Variants in PTPN4 observed in about 807,000 individuals in gnomAD.
PTPN4 encodes the protein tyrosine-protein phosphatase non-receptor type 4.
Under a neutral mutation model 135.5 loss-of-function variants are expected in PTPN4, and 49 were observed. That is an observed-to-expected ratio of 0.36 (90% confidence interval 0.29 to 0.46). The LOEUF (loss-of-function observed/expected upper bound fraction) is 0.46, where lower values mean the gene tolerates loss of function less well. Ranked by LOEUF, PTPN4 falls within the 20% of genes least tolerant of loss-of-function variation. PTPN4 has a pLI of 1.00. For missense variants in PTPN4, 860 were observed against 1,101.0 expected, an observed-to-expected ratio of 0.78 and a Z score of 3.10; for synonymous variants, 333 against 369.9, an observed-to-expected ratio of 0.90 and a Z score of 1.14.
In PTPN4 at chr2:119,937,078, G is replaced by T. The variant is rs149883542; in HGVS notation, c.1355+2120G>T. 3.9e-5 allele frequency among the ~76,000 whole-genome samples: 6 copies of T among 152,298 alleles called. No homozygotes were observed. In the East Asian group the frequency reaches 1.2e-3, roughly 29 times the overall value. On this transcript the variant is annotated intron_variant, in intron 15 of 26. Coordinates refer to ENST00000263708, the MANE Select transcript of PTPN4 (RefSeq NM_002830.4). ...TAATATCCATTTTATAGATAAGAAAGCCACACTTAGAACACTTGTCCCAAT... is the reference window on the plus strand; with the variant it reads ...TAATATCCATTTTATAGATAAGAAATCCACACTTAGAACACTTGTCCCAAT...
At position 119,919,673 on chromosome 2, in the gene PTPN4, A is replaced by G. The variant is rs117205913; in HGVS notation, c.829-396A>G. 8.5e-5 allele frequency among the ~76,000 whole-genome samples: 13 copies of G among 152,150 alleles called. No homozygotes were observed. The East Asian group carries it at 1.9e-3, about 23-fold the overall frequency. ...CCCCGTCTCTACTAAACATAGAAAA[A>G]GTTAGCTGGGTGTGGTGGTGCATGC... On this transcript the variant is annotated intron_variant, in intron 11 of 26. Transcript: ENST00000263708.
chr2:119,768,533 C>A (rs1000874320), intron 1 of PTPN4, among the ~76,000 whole-genome samples: 5 of 152,206 alleles, frequency 3.3e-5, no homozygotes, highest in African/African-American at 9.7e-5. Context: ...CACACTGATA[C>A]AACCAATTCC....
chr2:119,982,567 T>C lies in PTPN4; in HGVS notation c.*5497T>C, dbSNP rs879374834. On this transcript the variant is annotated 3_prime_UTR_variant, in exon 27 of 27. Coordinates refer to ENST00000263708, the MANE Select transcript of PTPN4 (RefSeq NM_002830.4). Reference sequence around the variant, plus strand: ...TGCTTTGCCTCTAGAATAGAAACTTTTCAGAAAATTTGCACATACTGTTTG... The same window carrying C: ...TGCTTTGCCTCTAGAATAGAAACTTCTCAGAAAATTTGCACATACTGTTTG... The C allele has an allele frequency of 9.2e-5, 14 of 152,220 alleles. No homozygotes were observed. Among genetic ancestry groups the C allele is most frequent in the Non-Finnish European group, 1.8e-4 (12 of 68,034 alleles). 9.4% of individuals were successfully genotyped at this position (152,220 alleles called of 1,614,324 possible).
At chr2:119,943,753 A>AT (rs1299148723) in intron 15 of PTPN4, among the ~76,000 whole-genome samples, 1 of 150,782 alleles carries the variant, frequency 6.6e-6, no homozygotes, top group East Asian at 2.0e-4. Flanking sequence ...TGCCTAGCTA[A>AT]TTTTTTTGTA....
At position 119,847,616 on chromosome 2, in the gene PTPN4, A is replaced by G. The variant is rs138407815; in HGVS notation, c.139-14920A>G. On this transcript the variant is annotated intron_variant, in intron 2 of 26. Coordinates refer to ENST00000263708, the MANE Select transcript of PTPN4 (RefSeq NM_002830.4). ...GCTAGGATTACAGGTGTGAGCCACC[A>G]TGCCTGGCCAGAGATACTCTGTTTT... Among the ~76,000 whole-genome samples, 548 of 152,200 alleles carry G rather than the reference A, an allele frequency of 3.6e-3. 3 individuals carry two copies. Among genetic ancestry groups the G allele is most frequent in the African/African-American group, 0.013 (520 of 41,516 alleles).
At chr2:119,971,264 C>T (rs570983869) in intron 26 of PTPN4, among the ~76,000 whole-genome samples, 82 of 152,254 alleles carry the variant, frequency 5.4e-4, no homozygotes, top group Non-Finnish European at 8.5e-4. Flanking sequence ...GTGCTGCATA[C>T]TTTCAGACAA....
At chr2:119,888,345 T>C (rs189030041) in intron 9 of PTPN4, among the ~76,000 whole-genome samples, 21 of 152,304 alleles carry the variant, frequency 1.4e-4, no homozygotes, top group Non-Finnish European at 2.9e-4. Context: ...TCCTTCTTTC[T>C]CTTGCCTGAG....
intron 2 of PTPN4, among the ~76,000 whole-genome samples, chr2:119,828,942 T>C (rs544095161): frequency 7.6e-4 from 116 of 152,366 alleles, no homozygotes; most frequent in African/African-American, 2.7e-3. Flanking sequence ...TATCATTGAC[T>C]GAAAAGCAGT....
chr2:119,876,739 C>G (rs1269754010), intron 3 of PTPN4, among the ~76,000 whole-genome samples: 1 of 151,920 alleles, frequency 6.6e-6, no homozygotes, highest in African/African-American at 2.4e-5. Flanking sequence ...CAATCATTCT[C>G]AAAACTAAAC....
chr2:119,772,668 G>T (rs950122586), intron 1 of PTPN4, among the ~76,000 whole-genome samples: 1 of 152,150 alleles, frequency 6.6e-6, no homozygotes, highest in Non-Finnish European at 1.5e-5. Flanking sequence ...CTTCCAAGTA[G>T]CTGGGATTAC....
intron 1 of PTPN4, among the ~76,000 whole-genome samples, chr2:119,791,993 G>GTTTT (rs1691158167): frequency 6.6e-6 from 1 of 151,862 alleles, no homozygotes; most frequent in Admixed American, 6.6e-5. Flanking sequence ...GTTTTGTTTT[G>GTTTT]TTTTCAGTCT....
chr2:119,976,762 T>A (rs115322741), intron 26 of PTPN4, among the ~76,000 whole-genome samples: 169 of 152,298 alleles, frequency 1.1e-3, no homozygotes, highest in African/African-American at 3.8e-3. Flanking sequence ...TATTTTAACA[T>A]CCCTACCAGC....
rs202139992 is a variant in PTPN4 at position 119,945,160 on chromosome 2, C to G, written c.1435C>G (p.His479Asp). Residue 479 changes from histidine to aspartate, a missense_variant, in exon 16 of 27, where the codon CAT (histidine) becomes GAT (aspartate). His to Asp is a moderately conservative substitution (Grantham distance 81). This residue lies in a region of PTPN4 where 684 missense variants were observed against 807.0 expected (regional missense o/e 0.85). Coordinates refer to ENST00000263708, the MANE Select transcript of PTPN4 (RefSeq NM_002830.4). The stretch of plus-strand genomic sequence containing the variant: ...AAAGAAAAACAGTTGGAACCAAATT[C>G]ATTATTCACATTCGCAACAAGATCT... ...QSKKNSWNQI[H>D]YSHSQQDLES... is the part of the protein sequence containing the mutation. 1 of 1,599,792 alleles carries G rather than the reference C, an allele frequency of 6.3e-7. No individual in the cohort carries two copies. Among genetic ancestry groups the G allele is most frequent in the Non-Finnish European group, 8.5e-7 (1 of 1,173,954 alleles).
At chr2:119,776,709 A>C (rs527949968) in intron 1 of PTPN4, among the ~76,000 whole-genome samples, 3 of 152,338 alleles carry the variant, frequency 2.0e-5, no homozygotes, top group African/African-American at 7.2e-5. Flanking sequence ...CTTGCACTTA[A>C]TGAATAGTAA....
At chr2:119,878,415 C>T (rs981016044) in intron 5 of PTPN4, among the ~76,000 whole-genome samples, 2 of 152,150 alleles carry the variant, frequency 1.3e-5, no homozygotes, top group African/African-American at 2.4e-5. Flanking sequence ...CCAGTGACTA[C>T]ATTCAGAATT....
intron 2 of PTPN4, among the ~76,000 whole-genome samples, chr2:119,845,075 A>AC (rs964615460): frequency 1.3e-5 from 2 of 148,702 alleles, no homozygotes; most frequent in Non-Finnish European, 3.0e-5. Flanking sequence ...ACACAGCGAA[A>AC]CCCCGTCTCC....
intron 14 of PTPN4, among the ~76,000 whole-genome samples, chr2:119,932,809 A>G (rs1678925640): frequency 6.6e-6 from 1 of 152,206 alleles, no homozygotes; most frequent in Admixed American, 6.5e-5. Flanking sequence ...TAACTTTCGC[A>G]GTTAAGAGTC....
intron 12 of PTPN4, among the ~76,000 whole-genome samples, chr2:119,920,683 C>T (rs1241613143): frequency 1.3e-5 from 2 of 152,122 alleles, no homozygotes; most frequent in Admixed American, 6.5e-5. Flanking sequence ...GTGTTTAAAA[C>T]AGTCACGAGG....
At chr2:119,821,895 G>A (rs1031853072) in intron 2 of PTPN4, among the ~76,000 whole-genome samples, 2 of 152,102 alleles carry the variant, frequency 1.3e-5, no homozygotes, top group Admixed American at 6.5e-5. Context: ...TAATATTGCT[G>A]ATGAGGAGTC....
Sources: allele counts gnomAD v4.1 joint callset (sites outside exome capture counted in the v4.1 genomes callset), GRCh38; gene constraint gnomAD v4.1.1; regional missense constraint gnomAD v4.1.1; transcripts MANE v1.5; gene names NCBI Gene and HGNC (gene_info 2026-07-23, HGNC 2026-07-21).